Variants in KREMEN1 observed in about 807,000 individuals in gnomAD.
KREMEN1 encodes the protein kremen protein 1.
In KREMEN1, 30 loss-of-function variants were observed where a neutral mutation model predicts 46.5. That is an observed-to-expected ratio of 0.65 (90% CI 0.48 to 0.88). The LOEUF (loss-of-function observed/expected upper bound fraction) is 0.88, where lower values mean the gene tolerates loss of function less well. Ranked by LOEUF, KREMEN1 falls within the 40% of genes least tolerant of loss-of-function variation. KREMEN1 has a pLI of 0.00. For missense variants in KREMEN1, 533 were observed against 596.9 expected, an observed-to-expected ratio of 0.89 and a Z score of 1.11; for synonymous variants, 214 against 230.6, an observed-to-expected ratio of 0.93 and a Z score of 0.65.
At chr22:29,104,310 T>G (rs2038018134) in intron 3 of KREMEN1, among the ~76,000 whole-genome samples, 1 of 151,982 alleles carries the variant, frequency 6.6e-6, no homozygotes. Flanking sequence ...GCACATGCCA[T>G]CACACCTGGA....
intron 4 of KREMEN1, among the ~76,000 whole-genome samples, chr22:29,123,663 A>T: frequency 6.6e-6 from 1 of 152,140 alleles, no homozygotes; most frequent in African/African-American, 2.4e-5. Context: ...GTGGTAGCAC[A>T]CCTGTAGTCC....
chr22:29,082,794 G>A (rs1050536359), intron 1 of KREMEN1, among the ~76,000 whole-genome samples: 1 of 152,194 alleles, frequency 6.6e-6, no homozygotes, highest in African/African-American at 2.4e-5. Context: ...AGAAGTTAGT[G>A]CTACCTATTC....
At position 29,073,374 on chromosome 22, in the gene KREMEN1, G is replaced by A. The variant is rs1008096599; in HGVS notation, c.97+147G>A. ...GCCCCTAGGCGACGCCCCTCAGGCC[G>A]GGATGGTCCCTTCCTGGGACCCGGG... On this transcript the variant is annotated intron_variant, in intron 1 of 8. Coordinates refer to ENST00000400335, the MANE Select transcript of KREMEN1 (RefSeq NM_001039570.3). This position sits in a 1 kb window ranked among gnomAD's most constrained non-coding sequence, Gnocchi z 4.4. The A allele has an allele frequency of 8.4e-6, 2 of 237,596 alleles. No homozygotes were observed. Among genetic ancestry groups the A allele is most frequent in the Admixed American group, 1.2e-4 (2 of 17,230 alleles). The allele number at this position is 237,596 out of a possible 1,614,324, so 14.7% of individuals were successfully genotyped here. A position where few individuals can be genotyped will look rare whatever the true frequency, so the allele number is the denominator to read the frequency against.
intron 9 of KREMEN1, among the ~76,000 whole-genome samples, chr22:29,153,035 G>A (rs1287943867): frequency 6.6e-6 from 1 of 152,196 alleles, no homozygotes; most frequent in African/African-American, 2.4e-5. Flanking sequence ...GGGAGTTCCC[G>A]GAACTGAGGG....
chr22:29,114,486 CAAAAAAAA>C (rs134685), intron 3 of KREMEN1, among the ~76,000 whole-genome samples: 8 of 88,078 alleles, frequency 9.1e-5, no homozygotes, highest in East Asian at 3.1e-4. Flanking sequence ...AACTCCGTGT[CAAAAAAAA>C]AAAAAAAAAA....
chr22:29,111,532 T>G (rs2038149976), intron 3 of KREMEN1: 1 of 145,460 alleles, frequency 6.9e-6, no homozygotes, highest in African/African-American at 2.6e-5. Flanking sequence ...GAGAATGGCG[T>G]GAACCCGGGA....
chr22:29,134,676 A>G (rs912237257), intron 5 of KREMEN1, among the ~76,000 whole-genome samples: 4 of 152,202 alleles, frequency 2.6e-5, no homozygotes, highest in East Asian at 1.9e-4. Flanking sequence ...GCAGATCTGC[A>G]TAGTGTAGGG....
chr22:29,105,627 G>C (rs1272693870), intron 3 of KREMEN1, among the ~76,000 whole-genome samples: 1 of 152,164 alleles, frequency 6.6e-6, no homozygotes, highest in African/African-American at 2.4e-5. Context: ...CTTATGGTCT[G>C]GGTATGAAGC....
chr22:29,167,611 G>A (rs1415815926), exon 10 of KREMEN1: 1 of 156,076 alleles, frequency 6.4e-6, no homozygotes, highest in Non-Finnish European at 1.4e-5. Context: ...TGGAACGGTT[G>A]TGAAGCTTTG....
chr22:29,164,537 G>T (rs2039037180), intron 9 of KREMEN1, among the ~76,000 whole-genome samples: 1 of 152,148 alleles, frequency 6.6e-6, no homozygotes, highest in African/African-American at 2.4e-5. Flanking sequence ...CATGAGGTCA[G>T]AAGTTCGAGA....
At chr22:29,079,153 C>T (rs929220846) in intron 1 of KREMEN1, among the ~76,000 whole-genome samples, 3 of 152,176 alleles carry the variant, frequency 2.0e-5, no homozygotes, top group African/African-American at 7.2e-5. Flanking sequence ...GTCAGATTGG[C>T]GTCCATACAC....
At chr22:29,131,022 A>G (rs1192481848) in intron 5 of KREMEN1, among the ~76,000 whole-genome samples, 3 of 152,230 alleles carry the variant, frequency 2.0e-5, no homozygotes, top group Non-Finnish European at 4.4e-5. Context: ...TGCCCTTGCT[A>G]TTGAAAAATA....
intron 3 of KREMEN1, among the ~76,000 whole-genome samples, chr22:29,109,317 A>G (rs1263111384): frequency 1.3e-5 from 2 of 152,212 alleles, no homozygotes; most frequent in Non-Finnish European, 2.9e-5. Flanking sequence ...GAAAATCTTT[A>G]TACCAGCACT....
intron 3 of KREMEN1, 128 bp from the exon 4 acceptor site, chr22:29,121,226 CTTG>C (rs1482880345): frequency 3.0e-6 from 3 of 1,007,128 alleles, no homozygotes; most frequent in South Asian, 1.6e-5. Flanking sequence ...AAGCTGGTTG[CTTG>C]TTGTTTATTT....
intron 3 of KREMEN1, among the ~76,000 whole-genome samples, chr22:29,101,203 G>T (rs2037969784): frequency 7.9e-6 from 1 of 126,434 alleles, no homozygotes; most frequent in African/African-American, 3.1e-5. Flanking sequence ...ACTGAGCTGA[G>T]ATCATGCCAC....
intron 4 of KREMEN1, among the ~76,000 whole-genome samples, chr22:29,122,940 CAAAAAAAA>C (rs140855395): frequency 2.1e-4 from 12 of 56,444 alleles, no homozygotes; most frequent in Admixed American, 8.9e-4. Flanking sequence ...GACTCTGTCT[CAAAAAAAA>C]AAAAAAAAAA....
At chr22:29,112,674 TTAAGA>T (rs2038171013) in intron 3 of KREMEN1, among the ~76,000 whole-genome samples, 1 of 152,190 alleles carries the variant, frequency 6.6e-6, no homozygotes, top group Non-Finnish European at 1.5e-5. Flanking sequence ...CATTTGTATG[TTAAGA>T]TAATTTTTTA....
intron 9 of KREMEN1, among the ~76,000 whole-genome samples, chr22:29,152,471 T>C (rs1010267187): frequency 1.3e-5 from 2 of 152,186 alleles, no homozygotes; most frequent in Non-Finnish European, 2.9e-5. Context: ...CCCTTTCCCA[T>C]GTAGGGAGTC....
chr22:29,138,765 C>T lies in KREMEN1; in HGVS notation c.1106C>T (p.Pro369Leu). The T allele has an allele frequency of 6.2e-7, 1 of 1,614,244 alleles. No individual in the cohort carries two copies. Among genetic ancestry groups the T allele is most frequent in the Non-Finnish European group, 8.5e-7 (1 of 1,180,052 alleles). The change falls in exon 7 of 9, where the codon CCA becomes CTA. Residue 369 changes from proline (P) to leucine (L), a missense_variant. By Grantham distance (98) the Pro-to-Leu change is moderately conservative (BLOSUM62 -3). Transcript: ENST00000400335. ...GTCATCACCACCAGCCCCAGCCACC[C>T]ACCTCAGACTGTCCCAGGTAGCAAT... is the stretch of plus-strand genomic sequence containing the variant. ...LYVITTSPSHPPQTVPGWTVY... is the reference protein window; with the variant it reads ...LYVITTSPSHLPQTVPGWTVY...
Sources: gnomAD v4.1 joint callset for allele counts (sites outside exome capture counted in the v4.1 genomes callset) on GRCh38, gnomAD v4.1.1 for gene constraint, Gnocchi (gnomAD v3.1) non-coding constraint, MANE v1.5 for transcripts, NCBI Gene and HGNC (gene_info 2026-07-23, HGNC 2026-07-21) for gene names.